The following CEP290 variants were observed in gnomAD, a reference collection of about 807,000 sequenced individuals.
The protein encoded by CEP290 is centrosomal protein 290, also known as centrosomal protein of 290 kDa.
In CEP290, 317 loss-of-function variants were observed where a neutral mutation model predicts 344.9. That is an observed-to-expected ratio of 0.92 (90% CI 0.84 to 1.01). The LOEUF (loss-of-function observed/expected upper bound fraction) is 1.01, where lower values mean the gene tolerates loss of function less well. CEP290 is among the 50% of genes least tolerant of loss of function. The probability of loss-of-function intolerance (pLI) is 0.00; values close to 1 mark genes in which losing one functional copy is unlikely to be tolerated. For synonymous variants in CEP290, 932 were observed against 895.8 expected, an observed-to-expected ratio of 1.04 and a Z score of -0.72; for missense variants, 2,754 against 2,761.4, an observed-to-expected ratio of 1.00 and a Z score of 0.06.
chr12:88,102,858 T>G lies in CEP290; in HGVS notation c.2971A>C (p.Ser991Arg), dbSNP rs1435194969. The change falls in exon 26 of 54, where the codon AGT (serine) becomes CGT (arginine). Residue 991 changes from serine to arginine, a missense_variant. Transcript: ENST00000552810. ...CTTACCTCCAGGTGTTCCAAGTTAC[T>G]TGTTCTTTGAACAAGCATATTATCT... is the stretch of plus-strand genomic sequence containing the variant. ...QKDNMLVQRTSNLEHLECENI... is the reference protein window; with the variant it reads ...QKDNMLVQRTRNLEHLECENI... The G allele has an allele frequency of 6.2e-7, 1 of 1,610,066 alleles. No homozygotes were observed. Among genetic ancestry groups the G allele is most frequent in the Non-Finnish European group, 8.5e-7 (1 of 1,178,276 alleles).
chr12:88,093,452 G>A (rs1026973317), intron 28 of CEP290: 2 of 241,410 alleles, frequency 8.3e-6, no homozygotes, highest in African/African-American at 4.6e-5. Flanking sequence ...CCCAACACAG[G>A]GTCTGACATG....
At chr12:88,103,176 TTCATA>T (rs2137547527) in intron 25 of CEP290, 165 bp from the exon 26 acceptor site, 4 of 408,124 alleles carry the variant, frequency 9.8e-6, no homozygotes, top group Non-Finnish European at 1.7e-5. Context: ...CATAATTTCT[TTCATA>T]TAAGAAATGT....
intron 26 of CEP290, among the ~76,000 whole-genome samples, chr12:88,101,464 G>A (rs1328128099): frequency 7.3e-6 from 1 of 137,286 alleles, no homozygotes; most frequent in African/African-American, 2.8e-5. Context: ...CTGGGTGACA[G>A]AGCGAGACTC....
At chr12:88,077,369 AT>A (rs752956267) in intron 40 of CEP290, 25 bp from the exon 41 acceptor site, 12 of 1,358,562 alleles carry the variant, frequency 8.8e-6, no homozygotes, top group African/African-American at 1.5e-5. Flanking sequence ...GTAACTTTAT[AT>A]TTTTACAAAT....
intron 44 of CEP290, among the ~76,000 whole-genome samples, chr12:88,068,228 T>A (rs2035086547): frequency 6.6e-6 from 1 of 152,166 alleles, no homozygotes; most frequent in Non-Finnish European, 1.5e-5. Context: ...TTTATTTAAC[T>A]GTATACTGCT....
intron 18 of CEP290, chr12:88,115,822 A>G (rs1227405745): frequency 1.0e-6 from 1 of 984,550 alleles, no homozygotes; most frequent in African/African-American, 1.7e-5. Context: ...TTTTCAAGAG[A>G]ATTTATCTGA....
intron 41 of CEP290, among the ~76,000 whole-genome samples, chr12:88,074,465 A>G (rs959207088): frequency 9.2e-5 from 14 of 152,176 alleles, no homozygotes; most frequent in Non-Finnish European, 1.0e-4. Context: ...CAATTGAAAA[A>G]CAGAAAAACA....
intron 23 of CEP290, among the ~76,000 whole-genome samples, chr12:88,108,857 C>T (rs1228702898): frequency 6.6e-6 from 1 of 151,940 alleles, no homozygotes; most frequent in Admixed American, 6.6e-5. Flanking sequence ...TGACTCAAAC[C>T]CAGGCAGGAT....
At chr12:88,054,202 A>C in intron 51 of CEP290, 138 bp downstream of exon 51, 1 of 605,792 alleles carries the variant, frequency 1.7e-6, no homozygotes, top group Non-Finnish European at 2.9e-6. Context: ...AGAGGGAAGA[A>C]ATAAGGACCT....
chr12:88,137,850 T>C (rs1028704084), intron 5 of CEP290, among the ~76,000 whole-genome samples: 9 of 152,154 alleles, frequency 5.9e-5, no homozygotes, highest in Non-Finnish European at 1.0e-4. Context: ...CTATCATTCC[T>C]CCATCATCCT....
chr12:88,081,218 T>C (rs2036176194), intron 37 of CEP290, among the ~76,000 whole-genome samples: 1 of 152,054 alleles, frequency 6.6e-6, no homozygotes, highest in South Asian at 2.1e-4. Context: ...TCGCCAAATG[T>C]CCCCAAGAGG....
At chr12:88,140,866 G>T in intron 3 of CEP290, 90 bp downstream of exon 3, 1 of 753,374 alleles carries the variant, frequency 1.3e-6, no homozygotes, top group Non-Finnish European at 2.1e-6. Context: ...ATATTACCAG[G>T]TATTTTCACA....
At chr12:88,068,680 C>T (rs757662377) in intron 43 of CEP290, 35 bp from the exon 44 acceptor site, 5 of 1,547,006 alleles carry the variant, frequency 3.2e-6, no homozygotes, top group Non-Finnish European at 4.3e-6. Context: ...TTACTATTCA[C>T]ATTTCATCTT....
At chr12:88,054,101 G>T (rs1251522097) in intron 51 of CEP290, among the ~76,000 whole-genome samples, 1 of 152,092 alleles carries the variant, frequency 6.6e-6, no homozygotes, top group Non-Finnish European at 1.5e-5. Flanking sequence ...TATGCTCTTA[G>T]AAAAGTTTAA....
At chr12:88,140,378 G>T (rs1248447765) in intron 3 of CEP290, among the ~76,000 whole-genome samples, 1 of 152,122 alleles carries the variant, frequency 6.6e-6, no homozygotes, top group African/African-American at 2.4e-5. Flanking sequence ...CTCAATTGCT[G>T]ATAGCATAAA....
rs1026690396 is a variant in CEP290 at position 88,084,804 on chromosome 12, G to A, written c.4486C>T (p.Leu1496=). ...SALRLAEQNI[L]SRDKVINELR... ...TCATTGATTACTTTGTCTCTTGACA[G>A]TATATTTTGTTCTGCTAACCTTAAA... The change falls in exon 35 of 54, where the codon CTG becomes TTG. Residue 1496 remains leucine, a synonymous_variant. Coordinates refer to ENST00000552810, the MANE Select transcript of CEP290 (RefSeq NM_025114.4). The A allele has an allele frequency of 6.2e-7, 1 of 1,609,084 alleles. No homozygotes were observed. Among genetic ancestry groups the A allele is most frequent in the Non-Finnish European group, 8.5e-7 (1 of 1,177,896 alleles).
In CEP290 at chr12:88,050,439, GAA is replaced by G. The variant is rs1555193620; in HGVS notation, c.7130-8_7130-7del. The stretch of plus-strand genomic sequence containing the variant: ...TTCCTTTAGTTGATCAGCATCTGTT[GAA>G]AAAGTCATACAAATTAGACTCAGCT... On this transcript the variant is annotated splice_polypyrimidine_tract_variant and splice_region_variant and intron_variant, in intron 52 of 53. Transcript: ENST00000552810. 9 of 1,454,054 alleles carry G rather than the reference GAA, an allele frequency of 6.2e-6. No homozygotes were observed. The highest frequency in any genetic ancestry group is 7.6e-6 in the Non-Finnish European group (8 of 1,051,084). The allele number at this position is 1,454,054 out of a possible 1,614,324, so 90.1% of individuals were successfully genotyped here.
At chr12:88,114,319 T>TGACTAAAAATATCTCATCAGAAAC in intron 20 of CEP290, 101 bp downstream of exon 20, 1 of 921,388 alleles carries the variant, frequency 1.1e-6, no homozygotes, top group Non-Finnish European at 1.5e-6. Flanking sequence ...ATGATTCAAA[T>TGACTAAAAATATCTCATCAGAAAC]GACTAAAAAT....
rs573872325 is a variant in CEP290 at position 88,071,300 on chromosome 12, T to C, written c.6005A>G (p.Tyr2002Cys). ...TTTCCACATAATAGCTTACCTCATA[T>C]ACAATATATCATTTTCTAAGTCAAG... ...RNLDLENDIL[Y>C]MRAHQALPRD... is the part of the protein sequence containing the mutation. Residue 2002 changes from tyrosine to cysteine, a missense_variant, in exon 43 of 54, where the codon TAT (tyrosine) becomes TGT (cysteine). Transcript: ENST00000552810. The C allele has an allele frequency of 4.6e-5, 74 of 1,603,034 alleles. No homozygotes were observed. The East Asian group carries it at 1.3e-3, about 28-fold the overall frequency.
Sources: allele counts gnomAD v4.1 joint callset (sites outside exome capture counted in the v4.1 genomes callset), GRCh38; gene constraint gnomAD v4.1.1; transcripts MANE v1.5; gene names NCBI Gene and HGNC (gene_info 2026-07-23, HGNC 2026-07-21).